COL19A1: variants seen among roughly 807,000 people sequenced by gnomAD.
COL19A1 encodes collagen type XIX alpha 1 chain.
Under a neutral mutation model 190.2 loss-of-function variants are expected in COL19A1, and 159 were observed. That is an observed-to-expected ratio of 0.84 (90% CI 0.73 to 0.95). COL19A1 has a LOEUF of 0.95. COL19A1 is among the 40% of genes least tolerant of loss of function. COL19A1 has a pLI of 0.00. For synonymous variants in COL19A1, 509 were observed against 458.9 expected, an observed-to-expected ratio of 1.11 and a Z score of -1.39; for missense variants, 1,418 against 1,431.9, an observed-to-expected ratio of 0.99 and a Z score of 0.16.
At chr6:69,963,669 G>A (rs1016804511) in intron 11 of COL19A1, among the ~76,000 whole-genome samples, 2 of 152,196 alleles carry the variant, frequency 1.3e-5, no homozygotes, top group African/African-American at 4.8e-5. Context: ...TCCAGAGCAG[G>A]TGTATAAGGG....
At chr6:70,070,450 G>A (rs1713329306) in intron 15 of COL19A1, among the ~76,000 whole-genome samples, 2 of 152,014 alleles carry the variant, frequency 1.3e-5, no homozygotes, top group South Asian at 4.1e-4. Context: ...AGAACTTATA[G>A]ACACTTTTAG....
intron 49 of COL19A1, among the ~76,000 whole-genome samples, chr6:70,203,864 A>ATT (rs11444591): frequency 0.053 from 7,829 of 146,780 alleles, 371 homozygotes; most frequent in African/African-American, 0.12. Context: ...ATCCTGTAGA[A>ATT]TTTTTTTTTT....
chr6:69,923,237 TCAGTAAGA>T (rs1345700029), intron 4 of COL19A1, among the ~76,000 whole-genome samples: 1 of 152,172 alleles, frequency 6.6e-6, no homozygotes, highest in Non-Finnish European at 1.5e-5. Flanking sequence ...ACTTTGAATC[TCAGTAAGA>T]CTAGCAGGCT....
At chr6:70,132,114 C>G (rs1374559193) in intron 18 of COL19A1, among the ~76,000 whole-genome samples, 4 of 152,026 alleles carry the variant, frequency 2.6e-5, no homozygotes, top group Admixed American at 6.6e-5. Flanking sequence ...ATAAAATAAA[C>G]AAAAATTACA....
chr6:70,181,960 A>G (rs1304539647), intron 44 of COL19A1, among the ~76,000 whole-genome samples: 2 of 152,232 alleles, frequency 1.3e-5, no homozygotes, highest in Admixed American at 6.5e-5. Context: ...GGCAGTGGCC[A>G]GACCATGAAG....
intron 14 of COL19A1, among the ~76,000 whole-genome samples, chr6:70,044,000 C>T (rs552028825): frequency 6.6e-6 from 1 of 152,352 alleles, no homozygotes; most frequent in South Asian, 2.1e-4. Context: ...TGGTTACCTT[C>T]ATTGAAGATC....
intron 15 of COL19A1, among the ~76,000 whole-genome samples, chr6:70,101,770 C>T (rs1197687847): frequency 6.6e-6 from 1 of 152,086 alleles, no homozygotes; most frequent in Non-Finnish European, 1.5e-5. Flanking sequence ...ATAACTCATA[C>T]AAAATTAGAA....
At chr6:69,905,177 T>A (rs938775999) in intron 4 of COL19A1, among the ~76,000 whole-genome samples, 2 of 152,162 alleles carry the variant, frequency 1.3e-5, no homozygotes, top group African/African-American at 4.8e-5. Context: ...GGTCCATGAC[T>A]ACGCCAGATG....
At chr6:69,982,227 TG>T (rs1196785112) in intron 11 of COL19A1, among the ~76,000 whole-genome samples, 1 of 151,518 alleles carries the variant, frequency 6.6e-6, no homozygotes, top group Non-Finnish European at 1.5e-5. Context: ...AGTCTTGCTC[TG>T]TCTCCCAGGC....
At chr6:70,043,152 C>A (rs1294916369) in intron 14 of COL19A1, among the ~76,000 whole-genome samples, 1 of 151,448 alleles carries the variant, frequency 6.6e-6, no homozygotes, top group East Asian at 1.9e-4. Flanking sequence ...AGAGGAAGCA[C>A]TATCTATGCA....
intron 16 of COL19A1, among the ~76,000 whole-genome samples, chr6:70,112,486 A>T (rs772271649): frequency 1.3e-5 from 2 of 152,140 alleles, no homozygotes; most frequent in Non-Finnish European, 2.9e-5. Flanking sequence ...TAGCAGCATT[A>T]GGGGAGGAAT....
intron 14 of COL19A1, among the ~76,000 whole-genome samples, chr6:70,060,418 G>T (rs73486359): frequency 5.3e-5 from 8 of 152,072 alleles, no homozygotes; most frequent in African/African-American, 1.9e-4. Context: ...GTACCAGTTC[G>T]CAGCCTGTTA....
At chr6:69,921,930 G>A (rs906758447) in intron 4 of COL19A1, among the ~76,000 whole-genome samples, 1 of 151,924 alleles carries the variant, frequency 6.6e-6, no homozygotes, top group Non-Finnish European at 1.5e-5. Context: ...GCAATGGATA[G>A]GATTTCTTAT....
At chr6:70,176,780 T>C (rs185427921) in intron 42 of COL19A1, among the ~76,000 whole-genome samples, 59 of 152,340 alleles carry the variant, frequency 3.9e-4, no homozygotes, top group African/African-American at 1.4e-3. Flanking sequence ...TCCTCTTTTA[T>C]TTTCTTCCCA....
At chr6:70,108,348 T>C (rs527829291) in intron 16 of COL19A1, among the ~76,000 whole-genome samples, 13 of 152,250 alleles carry the variant, frequency 8.5e-5, no homozygotes, top group East Asian at 5.8e-4. Flanking sequence ...AGTATGAGAA[T>C]TGAGCAGTGG....
chr6:70,191,496 A>T (rs1164083611), intron 48 of COL19A1, among the ~76,000 whole-genome samples: 1 of 152,190 alleles, frequency 6.6e-6, no homozygotes, highest in Non-Finnish European at 1.5e-5. Context: ...CTGTTGATAG[A>T]AATGTTGACT....
At chr6:69,940,342 C>T (rs530788366) in intron 9 of COL19A1, among the ~76,000 whole-genome samples, 1 of 152,070 alleles carries the variant, frequency 6.6e-6, no homozygotes, top group Non-Finnish European at 1.5e-5. Flanking sequence ...AAAAATGTGC[C>T]AGACTTTGGA....
chr6:70,182,844 T>C (rs1462404042), intron 44 of COL19A1, among the ~76,000 whole-genome samples: 1 of 152,116 alleles, frequency 6.6e-6, no homozygotes, highest in Admixed American at 6.6e-5. Context: ...TGAAGACTAC[T>C]TTGAGTAGAA....
chr6:69,932,305 A>T (rs1434486880), intron 6 of COL19A1, among the ~76,000 whole-genome samples: 1 of 151,984 alleles, frequency 6.6e-6, no homozygotes, highest in East Asian at 1.9e-4. Context: ...ATAGATAAAA[A>T]ATTTTTTTTC....
Sources: allele counts gnomAD v4.1 joint callset (sites outside exome capture counted in the v4.1 genomes callset), GRCh38; gene constraint gnomAD v4.1.1; transcripts MANE v1.5; gene names NCBI Gene and HGNC (gene_info 2026-07-23, HGNC 2026-07-21).